Variants in RHPN2 observed in about 807,000 individuals in gnomAD.
The protein encoded by RHPN2 is rhophilin Rho GTPase binding protein 2.
A neutral mutation model predicts 79.0 loss-of-function variants in RHPN2; 40 were observed. The observed-to-expected ratio is 0.51, with a 90% confidence interval of 0.39 to 0.66. The LOEUF is 0.66. RHPN2 is among the 30% of genes least tolerant of loss of function. The pLI, the probability that RHPN2 is intolerant of heterozygous loss-of-function variation, is 0.00. For synonymous variants in RHPN2, 285 were observed against 363.5 expected (o/e 0.78, Z 2.46); for missense variants, 686 against 883.5 (o/e 0.78, Z 2.83).
chr19:32,985,505 T>C (rs1320682871), intron 14 of RHPN2, among the ~76,000 whole-genome samples: 1 of 152,076 alleles, frequency 6.6e-6, no homozygotes, highest in African/African-American at 2.4e-5. Context: ...GGTATGGTGT[T>C]CCATGCCTGT....
intron 1 of RHPN2, among the ~76,000 whole-genome samples, chr19:33,058,737 G>A (rs1445937100): frequency 1.3e-5 from 2 of 152,088 alleles, no homozygotes; most frequent in East Asian, 1.9e-4. Context: ...CCAAGATCCC[G>A]CCATTCCATT....
At chr19:32,982,145 C>T (rs1426604066) in intron 14 of RHPN2, among the ~76,000 whole-genome samples, 1 of 152,152 alleles carries the variant, frequency 6.6e-6, no homozygotes, top group Non-Finnish European at 1.5e-5. Flanking sequence ...CAGTGTCTTA[C>T]ACCTGTAATC....
chr19:33,034,313 A>T (rs1409430350), intron 2 of RHPN2, among the ~76,000 whole-genome samples: 2 of 151,696 alleles, frequency 1.3e-5, no homozygotes, highest in Non-Finnish European at 2.9e-5. Flanking sequence ...TCTACTAAAA[A>T]TACAAAAGTT....
At position 33,002,278 on chromosome 19, in the gene RHPN2, G is replaced by C; in HGVS notation, c.1074C>G (p.Tyr358Ter). The change falls in exon 9 of 15, where the codon TAC becomes TAG. Residue 358 changes from tyrosine to a stop codon, truncating the protein, a stop_gained. Transcript: ENST00000254260. LOFTEE classifies it high-confidence loss of function. ...GGTCGATGAGGAGGATGGCAGTGAA[G>C]TAGTGGGCCAGGGCCGCGTAGTGGT... The part of the protein sequence containing the change: ...KAHHYAALAH[Y>*]FTAILLIDHQ... The C allele has an allele frequency of 6.2e-7, 1 of 1,613,606 alleles. No homozygotes were observed. The highest frequency in any genetic ancestry group is 1.3e-5 in the African/African-American group (1 of 75,054).
intron 2 of RHPN2, among the ~76,000 whole-genome samples, chr19:33,027,851 G>T (rs1461861078): frequency 4.6e-5 from 7 of 152,070 alleles, no homozygotes. Context: ...GAATAAAAGA[G>T]AATTTATGAA....
At chr19:33,039,878 C>CAA (rs1268878059) in intron 2 of RHPN2, among the ~76,000 whole-genome samples, 1 of 148,282 alleles carries the variant, frequency 6.7e-6, no homozygotes, top group Non-Finnish European at 1.5e-5. Context: ...AGATTAAAAA[C>CAA]AAAAAAAAAT....
At chr19:33,062,984 T>C (rs907173778) in intron 1 of RHPN2, among the ~76,000 whole-genome samples, 4 of 151,870 alleles carry the variant, frequency 2.6e-5, no homozygotes, top group African/African-American at 4.8e-5. Context: ...GCTGCCATTT[T>C]CCCCCAGGTG....
chr19:33,007,282 T>C (rs1223958172), intron 7 of RHPN2, among the ~76,000 whole-genome samples: 2 of 151,316 alleles, frequency 1.3e-5, no homozygotes, highest in South Asian at 2.1e-4. Flanking sequence ...AGGTCAGGAG[T>C]TCGAGACCAG....
chr19:32,991,502 C>T (rs1415146606), intron 13 of RHPN2: 4 of 352,580 alleles, frequency 1.1e-5, no homozygotes, highest in African/African-American at 4.2e-5. Flanking sequence ...TGTGGTGGCA[C>T]GTGCCTGTAA....
intron 14 of RHPN2, among the ~76,000 whole-genome samples, chr19:32,983,695 T>A (rs1740636533): frequency 6.7e-6 from 1 of 149,454 alleles, no homozygotes; most frequent in Non-Finnish European, 1.5e-5. Flanking sequence ...TGGCCCAATC[T>A]TGGCTCACTG....
intron 1 of RHPN2, 29 bp downstream of exon 1, chr19:33,064,755 T>TGGGGGGCCCCCCCC: frequency 2.1e-6 from 3 of 1,427,944 alleles, no homozygotes; most frequent in Non-Finnish European, 2.8e-6. Context: ...AGCCCGCAGG[T>TGGGGGGCCCCCCCC]CCCCGCCCGC....
chr19:33,042,794 G>A (rs1030531983), intron 2 of RHPN2, among the ~76,000 whole-genome samples: 1 of 151,934 alleles, frequency 6.6e-6, no homozygotes. Context: ...AATCAGTCGG[G>A]CATTGGCCAG....
At chr19:32,983,629 C>CTT (rs558224234) in intron 14 of RHPN2, among the ~76,000 whole-genome samples, 84 of 126,918 alleles carry the variant, frequency 6.6e-4, no homozygotes, top group African/African-American at 9.1e-4. Context: ...TTTTAAAAGC[C>CTT]TTTTTTTTTT....
intron 2 of RHPN2, among the ~76,000 whole-genome samples, chr19:33,036,880 C>CA (rs201277632): frequency 0.13 from 19,550 of 150,498 alleles, 1,658 homozygotes; most frequent in East Asian, 0.3. Context: ...GCCCCCCCGC[C>CA]ACCCTCTGTG....
At position 32,996,088 on chromosome 19, in the gene RHPN2, G is replaced by A. The variant is rs535367908; in HGVS notation, c.1358C>T (p.Thr453Met). The change falls in exon 11 of 15, where the codon ACG becomes ATG. Residue 453 changes from threonine (T) to methionine (M), a missense_variant. Transcript: ENST00000254260. ...LCAAQERSRL[T>M]YAQHQEEDDL... Reference sequence around the variant, plus strand: ...ATCCTCCTCCTGGTGCTGGGCGTACGTGAGCCGGGAGCGTTCCTGTGCGGC... The same window carrying A: ...ATCCTCCTCCTGGTGCTGGGCGTACATGAGCCGGGAGCGTTCCTGTGCGGC... The A allele has an allele frequency of 4.0e-4, 653 of 1,614,030 alleles. 9 individuals carry two copies. The South Asian group carries it at 6.7e-3, about 16-fold the overall frequency.
At chr19:33,019,641 A>T (rs552153090) in intron 4 of RHPN2, among the ~76,000 whole-genome samples, 2 of 151,752 alleles carry the variant, frequency 1.3e-5, no homozygotes, top group Non-Finnish European at 2.9e-5. Flanking sequence ...GCACACGCCT[A>T]TAGTACCAGC....
chr19:33,034,663 C>T (rs1214303759), intron 2 of RHPN2, among the ~76,000 whole-genome samples: 1 of 149,680 alleles, frequency 6.7e-6, no homozygotes, highest in Non-Finnish European at 1.5e-5. Flanking sequence ...CCCCTGTAGT[C>T]CCAGCTACTC....
intron 4 of RHPN2, among the ~76,000 whole-genome samples, chr19:33,015,977 G>A (rs1467616083): frequency 6.6e-6 from 1 of 152,084 alleles, no homozygotes; most frequent in African/African-American, 2.4e-5. Context: ...TTGGACCTGG[G>A]GGGCAGAGGT....
At chr19:33,052,384 T>C (rs1972196247) in intron 1 of RHPN2, among the ~76,000 whole-genome samples, 1 of 152,170 alleles carries the variant, frequency 6.6e-6, no homozygotes, top group Non-Finnish European at 1.5e-5. Flanking sequence ...GGCGTAAAAC[T>C]AAGTGAGAGA....
Sources: gnomAD v4.1 joint callset for allele counts (sites outside exome capture counted in the v4.1 genomes callset) on GRCh38, gnomAD v4.1.1 for gene constraint, MANE v1.5 for transcripts, NCBI Gene and HGNC (gene_info 2026-07-23, HGNC 2026-07-21) for gene names.